The following MTREX variants were observed in gnomAD, a reference collection of about 807,000 sequenced individuals.
The protein encoded by MTREX is Mtr4 exosome RNA helicase.
Under a neutral mutation model 135.4 loss-of-function variants are expected in MTREX, and 76 were observed. The observed-to-expected ratio is 0.56, with a 90% CI of 0.47 to 0.68. MTREX has a LOEUF of 0.68. Ranked by LOEUF, MTREX falls within the 30% of genes least tolerant of loss-of-function variation. MTREX has a pLI of 0.00. For missense variants in MTREX, 920 were observed against 1,262.1 expected (o/e 0.73, Z 4.11); for synonymous variants, 404 against 401.6 (o/e 1.01, Z -0.07).
intron 20 of MTREX, among the ~76,000 whole-genome samples, chr5:55,399,556 C>T (rs1030766776): frequency 3.3e-5 from 5 of 152,126 alleles, no homozygotes; most frequent in Non-Finnish European, 4.4e-5. Context: ...GGCGCAATCT[C>T]GGCTCACCGC....
chr5:55,353,112 A>C, intron 13 of MTREX, 56 bp from the exon 14 acceptor site: 1 of 1,239,308 alleles, frequency 8.1e-7, no homozygotes, highest in Non-Finnish European at 1.1e-6. Context: ...AAAATTATAA[A>C]ACCAGATTTT....
chr5:55,379,080 G>GT (rs758078496), intron 17 of MTREX, 47 bp from the exon 18 acceptor site: 2 of 1,333,126 alleles, frequency 1.5e-6, no homozygotes, highest in Middle Eastern at 1.8e-4. Context: ...AAATTGCCTT[G>GT]TAGATATACA....
At chr5:55,358,842 G>A in intron 15 of MTREX, 144 bp downstream of exon 15, 2 of 615,696 alleles carry the variant, frequency 3.2e-6, no homozygotes, top group South Asian at 2.9e-5. Flanking sequence ...AGATGGAAGG[G>A]TGTGATTACT....
intron 15 of MTREX, among the ~76,000 whole-genome samples, chr5:55,362,689 G>T (rs1367970361): frequency 6.6e-6 from 1 of 151,970 alleles, no homozygotes; most frequent in African/African-American, 2.4e-5. Flanking sequence ...ATACATTTTT[G>T]ATTACTTGAT....
At chr5:55,341,652 C>T (rs780253716) in intron 6 of MTREX, 29 bp from the exon 7 acceptor site, 2 of 1,288,162 alleles carry the variant, frequency 1.6e-6, no homozygotes, top group African/African-American at 3.0e-5. Flanking sequence ...CAGAATCCAA[C>T]TAAATACATT....
At chr5:55,382,706 C>T (rs927940117) in intron 18 of MTREX, among the ~76,000 whole-genome samples, 32 of 152,124 alleles carry the variant, frequency 2.1e-4, no homozygotes, top group East Asian at 1.3e-3. Context: ...AATCTCAGCT[C>T]AGGGCAACCT....
chr5:55,356,440 A>C (rs1282725021), intron 14 of MTREX: 4 of 209,198 alleles, frequency 1.9e-5, no homozygotes, highest in Admixed American at 9.0e-5. Flanking sequence ...CAGTGTGAGG[A>C]GGCACATTTG....
intron 19 of MTREX, among the ~76,000 whole-genome samples, chr5:55,396,809 C>G (rs924359037): frequency 2.0e-5 from 3 of 152,162 alleles, no homozygotes; most frequent in African/African-American, 7.2e-5. Flanking sequence ...AGATTTGGAC[C>G]TGTGGAAACA....
At chr5:55,414,838 C>T (rs2111620715) in intron 24 of MTREX, among the ~76,000 whole-genome samples, 1 of 152,072 alleles carries the variant, frequency 6.6e-6, no homozygotes, top group South Asian at 2.1e-4. Flanking sequence ...TTAGTAGAGA[C>T]GAGGTTTCAC....
intron 21 of MTREX, among the ~76,000 whole-genome samples, chr5:55,401,476 A>G (rs1054650178): frequency 1.3e-5 from 2 of 152,146 alleles, no homozygotes; most frequent in Admixed American, 6.5e-5. Flanking sequence ...AAGTTTTTGT[A>G]TGGATGTTTT....
At chr5:55,374,264 T>TTA (rs763872215) in intron 16 of MTREX, among the ~76,000 whole-genome samples, 8,821 of 139,476 alleles carry the variant, frequency 0.063, 332 homozygotes, top group African/African-American at 0.097. Flanking sequence ...CAAAAAACAT[T>TTA]TATATATATA....
intron 19 of MTREX, among the ~76,000 whole-genome samples, chr5:55,396,816 A>G (rs546301964): frequency 6.6e-6 from 1 of 152,340 alleles, no homozygotes; most frequent in African/African-American, 2.4e-5. Flanking sequence ...GACCTGTGGA[A>G]ACATTAACTT....
chr5:55,372,707 C>T (rs574920476), intron 16 of MTREX, among the ~76,000 whole-genome samples: 86 of 152,142 alleles, frequency 5.7e-4, no homozygotes, highest in African/African-American at 2.0e-3. Flanking sequence ...TAAAGTTGCA[C>T]CCTTACCTCA....
intron 14 of MTREX, among the ~76,000 whole-genome samples, chr5:55,353,779 C>CA (rs964044635): frequency 7.3e-5 from 11 of 150,090 alleles, no homozygotes; most frequent in African/African-American, 2.0e-4. Flanking sequence ...ACCTCTCCTT[C>CA]AAAAAAAAAG....
At chr5:55,394,511 C>A (rs545145836) in intron 19 of MTREX, among the ~76,000 whole-genome samples, 1 of 152,272 alleles carries the variant, frequency 6.6e-6, no homozygotes, top group East Asian at 1.9e-4. Flanking sequence ...GTCATCAGAC[C>A]TTAGATTCTC....
At chr5:55,392,630 A>C (rs2111575244) in intron 19 of MTREX, among the ~76,000 whole-genome samples, 1 of 151,760 alleles carries the variant, frequency 6.6e-6, no homozygotes, top group East Asian at 1.9e-4. Context: ...TCAGCTAGGC[A>C]GTTAACAACA....
Position 55,343,420 on chromosome 5 carries a change from C to G in MTREX, c.871C>G (p.Gln291Glu). 1 of 1,613,408 alleles carries G rather than the reference C, an allele frequency of 6.2e-7. No homozygotes were observed. Among genetic ancestry groups the G allele is most frequent in the Non-Finnish European group, 8.5e-7 (1 of 1,179,726 alleles). The stretch of plus-strand genomic sequence containing the variant: ...TTCGGCTACTATTCCAAATGCCCGA[C>G]AGTTTGCTGAATGGATTTGCCATTT... ...FLSATIPNAR[Q>E]FAEWICHLHK... is the part of the protein sequence containing the mutation. Residue 291 changes from glutamine (Q) to glutamate (E), a missense_variant, in exon 8 of 27, where the codon CAG (glutamine) becomes GAG (glutamate). By Grantham distance (29) the Gln-to-Glu change is conservative (BLOSUM62 2). Coordinates refer to ENST00000230640, the MANE Select transcript of MTREX (RefSeq NM_015360.5).
intron 25 of MTREX, among the ~76,000 whole-genome samples, chr5:55,422,419 A>G (rs978231346): frequency 6.6e-6 from 1 of 152,212 alleles, no homozygotes; most frequent in African/African-American, 2.4e-5. Flanking sequence ...AGTCTGTTGC[A>G]TTCTATGAGA....
intron 23 of MTREX, among the ~76,000 whole-genome samples, chr5:55,411,590 A>T (rs865857360): frequency 1.3e-5 from 2 of 152,258 alleles, no homozygotes; most frequent in Middle Eastern, 3.4e-3. Flanking sequence ...TTACTTCTTG[A>T]AGTAGATGGG....
Sources: gnomAD v4.1 joint callset for allele counts (sites outside exome capture counted in the v4.1 genomes callset) on GRCh38, gnomAD v4.1.1 for gene constraint, MANE v1.5 for transcripts, NCBI Gene and HGNC (gene_info 2026-07-23, HGNC 2026-07-21) for gene names.